The following FANCD2 variants were observed in gnomAD, a reference collection of about 807,000 sequenced individuals.
FANCD2 encodes Fanconi anemia group D2 protein.
A neutral mutation model predicts 192.3 loss-of-function variants in FANCD2; 131 were observed. That is an observed-to-expected ratio of 0.68 (90% confidence interval 0.59 to 0.79). FANCD2 has a LOEUF of 0.79. Ranked by LOEUF, FANCD2 falls within the 30% of genes least tolerant of loss-of-function variation. The pLI is 0.00. For missense variants in FANCD2, 1,508 were observed against 1,701.6 expected (o/e 0.89, Z 2.00); for synonymous variants, 524 against 612.5 (o/e 0.86, Z 2.13).
intron 18 of FANCD2, among the ~76,000 whole-genome samples, chr3:10,053,919 G>C (rs1379873910): frequency 6.6e-6 from 1 of 152,098 alleles, no homozygotes; most frequent in Non-Finnish European, 1.5e-5. Context: ...GCTTGCTTTT[G>C]TTTGTGGGCG....
chr3:10,060,513 G>A (rs2087535304), intron 19 of FANCD2, 110 bp downstream of exon 19: 1 of 821,932 alleles, frequency 1.2e-6, no homozygotes, highest in East Asian at 2.6e-5. Context: ...CTATAAATGA[G>A]CAAATGTGTT....
chr3:10,053,579 T>A (rs1306894607), intron 18 of FANCD2, among the ~76,000 whole-genome samples: 2 of 151,818 alleles, frequency 1.3e-5, no homozygotes, highest in African/African-American at 4.8e-5. Context: ...TTTTTTTGTA[T>A]TCTCAGTATT....
At chr3:10,089,547 G>A (rs1004355907) in intron 36 of FANCD2, among the ~76,000 whole-genome samples, 8 of 151,642 alleles carry the variant, frequency 5.3e-5, no homozygotes, top group African/African-American at 1.9e-4. Flanking sequence ...TCAGCTCACT[G>A]CAACCTCCAC....
intron 14 of FANCD2, among the ~76,000 whole-genome samples, chr3:10,044,726 CATG>C (rs1469157054): frequency 6.6e-6 from 1 of 152,174 alleles, no homozygotes; most frequent in Non-Finnish European, 1.5e-5. Context: ...TAAAAGCTTT[CATG>C]ATGCTGAATA....
At chr3:10,100,792 G>A (rs530301423) in intron 43 of FANCD2, among the ~76,000 whole-genome samples, 68 of 152,252 alleles carry the variant, frequency 4.5e-4, no homozygotes, top group African/African-American at 1.5e-3. Context: ...AAATTGGGCC[G>A]GGCGCAATGG....
At chr3:10,043,205 G>C (rs1385876361) in intron 12 of FANCD2, 55 bp downstream of exon 12, 14 of 1,299,372 alleles carry the variant, frequency 1.1e-5, no homozygotes, top group Non-Finnish European at 1.6e-5. Context: ...CCCACTGTCA[G>C]AGTTAGAGCT....
rs766118736 is a variant in FANCD2, at chr3:10,095,244, G to A, written c.4008G>A (p.Arg1336=). Residue 1336 remains arginine, a synonymous_variant, in exon 41 of 44, where the codon AGG becomes AGA. Transcript: ENST00000675286. ...TGGAAACCTTCCAGTTGGACACAAG[G>A]CTGCTTCATCACCTGTGTGGGCATT... ...SLLETFQLDT[R]LLHHLCGHSK... 6.2e-7 allele frequency: 1 copy of A among 1,614,118 alleles called. No homozygotes were observed. The highest frequency in any genetic ancestry group is 1.7e-5 in the Admixed American group (1 of 60,004).
At position 10,047,949 on chromosome 3, in the gene FANCD2, G is replaced by C. The variant is rs564577177; in HGVS notation, c.1311G>C (p.Ser437=). The change falls in exon 16 of 44, where the codon TCG becomes TCC. Residue 437 remains serine, a synonymous_variant. Coordinates refer to ENST00000675286, the MANE Select transcript of FANCD2 (RefSeq NM_001018115.3). ...AGGATATGTGTTCATCCATTCTGTC[G>C]CTGGCTCAGAGTTTGCTTCACTCTC... The part of the protein sequence containing the change: ...VLKDMCSSIL[S]LAQSLLHSLD... 1.9e-6 allele frequency: 3 copies of C among 1,613,426 alleles called. No homozygotes were observed. Among genetic ancestry groups the C allele is most frequent in the East Asian group, 2.2e-5 (1 of 44,878 alleles).
At chr3:10,088,332 G>C in intron 34 of FANCD2, 117 bp from the exon 35 acceptor site, 1 of 776,498 alleles carries the variant, frequency 1.3e-6, no homozygotes, top group Non-Finnish European at 2.3e-6. Flanking sequence ...GACCGGGAAC[G>C]TCTTAGTAAA....
rs1194239261 is a variant in FANCD2, at chr3:10,047,816, G to C, written c.1279-101G>C. 7 of 1,396,722 alleles carry C rather than the reference G, an allele frequency of 5.0e-6. No homozygotes were observed. In the East Asian group the frequency reaches 1.1e-4, roughly 23 times the overall value. 86.5% of individuals were successfully genotyped at this position (1,396,722 alleles called of 1,614,324 possible). A position where few individuals can be genotyped will look rare whatever the true frequency, so the allele number is the denominator to read the frequency against. On this transcript the variant is annotated intron_variant, in intron 15 of 43. Coordinates refer to ENST00000675286, the MANE Select transcript of FANCD2 (RefSeq NM_001018115.3). ...ATTTCCTAAGTTAAAATGAGAGCTAGGGAGGAGAAGTCTGACATTCCAAAA... is the reference window on the plus strand; with the variant it reads ...ATTTCCTAAGTTAAAATGAGAGCTACGGAGGAGAAGTCTGACATTCCAAAA...
At chr3:10,057,056 A>G (rs1190527929) in intron 18 of FANCD2, among the ~76,000 whole-genome samples, 1 of 152,082 alleles carries the variant, frequency 6.6e-6, no homozygotes, top group African/African-American at 2.4e-5. Flanking sequence ...ATGTTTTGTC[A>G]TGTTACCCAG....
Position 10,085,900 on chromosome 3 carries a change from C to T in FANCD2, c.3313C>T (p.Gln1105Ter). The change falls in exon 33 of 44, where the codon CAG (glutamine) becomes TAG (stop). Residue 1105 changes from glutamine (Q) to a stop codon, truncating the protein, a stop_gained. Transcript: ENST00000675286. LOFTEE classifies it high-confidence loss of function. ...CCGACTGAAACAGGGAGAACACAGC[C>T]AGCCTTTGGAGGAACTACTCAGGTG... ...SSRLKQGEHS[Q>*]PLEELLSQSV... is the part of the protein sequence containing the mutation. The T allele has an allele frequency of 6.2e-7, 1 of 1,612,592 alleles. No individual in the cohort carries two copies. Among genetic ancestry groups the T allele is most frequent in the Non-Finnish European group, 8.5e-7 (1 of 1,178,726 alleles).
chr3:10,048,450 C>T (rs1354373658), intron 16 of FANCD2, among the ~76,000 whole-genome samples: 2 of 152,314 alleles, frequency 1.3e-5, no homozygotes, highest in South Asian at 2.1e-4. Flanking sequence ...ATTACAGGCA[C>T]ACACCACCAC....
chr3:10,043,100 A>G lies in FANCD2; in HGVS notation c.939A>G (p.Pro313=), dbSNP rs756966238. ...EKLDLQHCVL[P]SRLQASQVKL... is the part of the protein sequence containing the mutation. ...TGGATCTGCAGCATTGTGTTTTGCCATCACGGTTACAGGCTTCCCAAGTAA... is the reference window on the plus strand; with the variant it reads ...TGGATCTGCAGCATTGTGTTTTGCCGTCACGGTTACAGGCTTCCCAAGTAA... Residue 313 remains proline, a synonymous_variant, in exon 12 of 44, where the codon CCA becomes CCG. Transcript: ENST00000675286. 2 of 1,614,024 alleles carry G rather than the reference A, an allele frequency of 1.2e-6. No individual in the cohort carries two copies. Among genetic ancestry groups the G allele is most frequent in the African/African-American group, 2.7e-5 (2 of 74,920 alleles).
chr3:10,083,098 G>C (rs1693945934), intron 32 of FANCD2, among the ~76,000 whole-genome samples: 1 of 152,136 alleles, frequency 6.6e-6, no homozygotes, highest in African/African-American at 2.4e-5. Context: ...ATGGTGGCAT[G>C]CATCTGTAGT....
At chr3:10,092,976 G>A (rs1478407136) in intron 38 of FANCD2, among the ~76,000 whole-genome samples, 1 of 152,098 alleles carries the variant, frequency 6.6e-6, no homozygotes, top group Non-Finnish European at 1.5e-5. Context: ...TCAGGCATGA[G>A]CCAGCATGCC....
chr3:10,046,114 C>T (rs1446391891), intron 14 of FANCD2, among the ~76,000 whole-genome samples: 3 of 141,984 alleles, frequency 2.1e-5, no homozygotes, highest in Admixed American at 7.2e-5. Context: ...AGTGCAGTGG[C>T]GCGATCTCGG....
rs2272125 is a variant in FANCD2, at chr3:10,096,385, T to G, written c.4098T>G (p.Leu1366=). 289,291 of 1,613,254 alleles carry G rather than the reference T, an allele frequency of 0.18. 29,962 individuals carry two copies. Among genetic ancestry groups the G allele is most frequent in the African/African-American group, 0.47 (35,059 of 74,932 alleles). Reference sequence around the variant, plus strand: ...CTCTGCTCAAAAAGACCCTGGAACTTTTAGTTTGCAGAGTCAAAGCTATGC... The same window carrying G: ...CTCTGCTCAAAAAGACCCTGGAACTGTTAGTTTGCAGAGTCAAAGCTATGC... ...HVPLLKKTLE[L]LVCRVKAMLT... is the part of the protein sequence containing the mutation. The change falls in exon 42 of 44, where the codon CTT becomes CTG. Residue 1366 remains leucine (L), a synonymous_variant. Transcript: ENST00000675286.
At chr3:10,051,267 G>C (rs1415009696) in intron 17 of FANCD2, among the ~76,000 whole-genome samples, 1 of 149,522 alleles carries the variant, frequency 6.7e-6, no homozygotes, top group Admixed American at 6.7e-5. Flanking sequence ...TGTAGTCCCA[G>C]CTACTTGGGA....
Sources: gnomAD v4.1 joint callset for allele counts (sites outside exome capture counted in the v4.1 genomes callset) on GRCh38, gnomAD v4.1.1 for gene constraint, MANE v1.5 for transcripts, NCBI Gene and HGNC (gene_info 2026-07-23, HGNC 2026-07-21) for gene names.